LYPD6B: variants seen among roughly 807,000 people sequenced by gnomAD.
LYPD6B encodes LY6/PLAUR domain containing 6B.
In LYPD6B, 17 loss-of-function variants were observed where a neutral mutation model predicts 22.8. The observed-to-expected ratio is 0.75, with a 90% CI of 0.51 to 1.12. The LOEUF is 1.12. Among genes scored for constraint, LYPD6B ranks in the 50% most tolerant of loss-of-function variants. The probability of loss-of-function intolerance (pLI) is 0.00; values close to 1 mark genes in which losing one functional copy is unlikely to be tolerated. For synonymous variants in LYPD6B, 106 were observed against 91.6 expected (o/e 1.16, Z -0.90); for missense variants, 221 against 258.3 (o/e 0.86, Z 0.99).
chr2:149,087,462 A>T (rs1685452081), intron 1 of LYPD6B, among the ~76,000 whole-genome samples: 1 of 152,118 alleles, frequency 6.6e-6, no homozygotes, highest in Admixed American at 6.6e-5. Context: ...GTGCTTTGGG[A>T]GGCTGAGGCA....
chr2:149,125,109 C>G (rs1055548559), intron 1 of LYPD6B, among the ~76,000 whole-genome samples: 1 of 152,086 alleles, frequency 6.6e-6, no homozygotes, highest in Non-Finnish European at 1.5e-5. Flanking sequence ...CAAACAGAAA[C>G]TTTTCATGTT....
chr2:149,201,285 A>G (rs11894489), intron 3 of LYPD6B, among the ~76,000 whole-genome samples: 77,993 of 151,998 alleles, frequency 0.51, 20,405 homozygotes, highest in Non-Finnish European at 0.55. Context: ...ACCTGTCTTC[A>G]CATATGAAGA....
Position 149,064,704 on chromosome 2 carries a change from G to T in LYPD6B, c.-67+25903G>T, listed in dbSNP as rs536589144. Among the ~76,000 whole-genome samples, 30 of 152,324 alleles carry T rather than the reference G, an allele frequency of 2.0e-4. 1 individual carries two copies. In the South Asian group the frequency reaches 5.6e-3, roughly 28 times the overall value. On this transcript the variant is annotated intron_variant, in intron 1 of 6. Coordinates refer to ENST00000409642, the MANE Select transcript of LYPD6B (RefSeq NM_177964.5). ...ACTGCATGTAATTAGCTCACTGCAG[G>T]CAGGAAATGACAGCACTGGGAATAA...
chr2:149,117,981 T>C (rs1171490705), intron 1 of LYPD6B, among the ~76,000 whole-genome samples: 1 of 152,164 alleles, frequency 6.6e-6, no homozygotes. Flanking sequence ...AAGCTGGCAG[T>C]TGGTGTTAGC....
chr2:149,152,511 G>C (rs2105835756), intron 2 of LYPD6B, among the ~76,000 whole-genome samples: 1 of 152,320 alleles, frequency 6.6e-6, no homozygotes, highest in South Asian at 2.1e-4. Context: ...CTTCTTGGTT[G>C]CTAAGAACTG....
chr2:149,068,668 C>A, intron 1 of LYPD6B: 1 of 545,006 alleles, frequency 1.8e-6, no homozygotes, highest in South Asian at 1.4e-5. Context: ...CCTTTTGTCC[C>A]TTCTTAAAAA....
chr2:149,061,741 A>G (rs569081422), intron 1 of LYPD6B, among the ~76,000 whole-genome samples: 1 of 152,284 alleles, frequency 6.6e-6, no homozygotes, highest in South Asian at 2.1e-4. Context: ...CATTCTTCCC[A>G]GACAGAAAAG....
chr2:149,044,210 A>C (rs1407584320), intron 1 of LYPD6B, among the ~76,000 whole-genome samples: 1 of 152,116 alleles, frequency 6.6e-6, no homozygotes, highest in Non-Finnish European at 1.5e-5. Flanking sequence ...CTACAGATTA[A>C]TTTAGGAAGA....
At chr2:149,190,842 G>A (rs10203339) in intron 3 of LYPD6B, among the ~76,000 whole-genome samples, 62,384 of 151,768 alleles carry the variant, frequency 0.41, 13,011 homozygotes, top group Non-Finnish European at 0.44. Context: ...TTTTCTTCAA[G>A]TTATATGTTT....
At chr2:149,135,474 C>G (rs1210200515) in intron 2 of LYPD6B, among the ~76,000 whole-genome samples, 3 of 151,752 alleles carry the variant, frequency 2.0e-5, no homozygotes, top group African/African-American at 7.3e-5. Flanking sequence ...AACCCCAGCA[C>G]TTTGGAAGGC....
At chr2:149,169,478 T>C (rs1158580130) in intron 3 of LYPD6B, among the ~76,000 whole-genome samples, 3 of 152,334 alleles carry the variant, frequency 2.0e-5, no homozygotes, top group South Asian at 2.1e-4. Flanking sequence ...AGGCTTTTAC[T>C]GTTCCTTGTC....
chr2:149,142,604 G>T (rs1688760838), intron 2 of LYPD6B, among the ~76,000 whole-genome samples: 1 of 151,984 alleles, frequency 6.6e-6, no homozygotes, highest in Admixed American at 6.6e-5. Flanking sequence ...TTTTGTGTGT[G>T]TTGTATATAA....
chr2:149,211,891 G>T (rs1693875233), intron 5 of LYPD6B, among the ~76,000 whole-genome samples: 1 of 152,152 alleles, frequency 6.6e-6, no homozygotes, highest in South Asian at 2.1e-4. Flanking sequence ...TAAAATGTGA[G>T]TGGTTAAAAC....
At chr2:149,128,131 T>C (rs1021791023) in intron 1 of LYPD6B, among the ~76,000 whole-genome samples, 3 of 151,986 alleles carry the variant, frequency 2.0e-5, no homozygotes, top group African/African-American at 7.3e-5. Context: ...CTAAAATCTT[T>C]TTGTTTTTTC....
In LYPD6B at chr2:149,119,353, A is replaced by T. The variant is rs550483873; in HGVS notation, c.-66-11530A>T. ...TTAAAATTAAAGCGTAAGAAGCTTT[A>T]TGTCTGTAAATGTGTTTTGTTGTAA... On this transcript the variant is annotated intron_variant, in intron 1 of 6. Transcript: ENST00000409642. 2.0e-5 allele frequency among the ~76,000 whole-genome samples: 3 copies of T among 152,370 alleles called. No individual in the cohort carries two copies. In the East Asian group the frequency reaches 5.8e-4, roughly 29 times the overall value.
rs1472613744 is a variant in LYPD6B at position 149,153,707 on chromosome 2, G to A, written c.6-7057G>A. 4.6e-5 allele frequency among the ~76,000 whole-genome samples: 7 copies of A among 152,042 alleles called. No homozygotes were observed. In the South Asian group the frequency reaches 6.2e-4, roughly 14 times the overall value. ...GGGGAATCACTTGAACCCAGGAGGC[G>A]GAGATTGCAGTGAGCCGAGATCGTG... On this transcript the variant is annotated intron_variant, in intron 2 of 6. Transcript: ENST00000409642.
In LYPD6B at chr2:149,042,744, A is replaced by G. The variant is rs778962359; in HGVS notation, c.-67+3943A>G. On this transcript the variant is annotated intron_variant, in intron 1 of 6. Transcript: ENST00000409642. Reference sequence around the variant, plus strand: ...GAAATAAAAAATAAAATAGATCCAGACAAGAGTGCAGTCATTAGAAACAAA... The same window carrying G: ...GAAATAAAAAATAAAATAGATCCAGGCAAGAGTGCAGTCATTAGAAACAAA... 7.1e-4 allele frequency among the ~76,000 whole-genome samples: 108 copies of G among 152,334 alleles called. 1 individual carries two copies. The highest frequency in any genetic ancestry group is 1.1e-3 in the Non-Finnish European group (72 of 68,036).
At chr2:149,157,582 T>C (rs170673) in intron 2 of LYPD6B, among the ~76,000 whole-genome samples, 122,962 of 152,126 alleles carry the variant, frequency 0.81, 49,851 homozygotes, top group Non-Finnish European at 0.83. Context: ...TGTTTTTTGT[T>C]GACTTTCTCT....
intron 3 of LYPD6B, among the ~76,000 whole-genome samples, chr2:149,194,452 A>G (rs1224294780): frequency 1.3e-5 from 2 of 152,342 alleles, no homozygotes; most frequent in Non-Finnish European, 2.9e-5. Flanking sequence ...GGGACTGTTT[A>G]CAATGATGTG....
Sources: gnomAD v4.1 joint callset for allele counts (sites outside exome capture counted in the v4.1 genomes callset) on GRCh38, gnomAD v4.1.1 for gene constraint, MANE v1.5 for transcripts, NCBI Gene and HGNC (gene_info 2026-07-23, HGNC 2026-07-21) for gene names.